Variants in ENKUR observed in about 807,000 individuals in gnomAD.
ENKUR encodes the protein enkurin, TRPC channel interacting protein.
Under a neutral mutation model 27.6 loss-of-function variants are expected in ENKUR, and 19 were observed. The observed-to-expected ratio is 0.69, with a 90% CI of 0.48 to 1.01. The LOEUF (loss-of-function observed/expected upper bound fraction) is 1.01, where lower values mean the gene tolerates loss of function less well. ENKUR is among the 50% of genes least tolerant of loss of function. The pLI, the probability that ENKUR is intolerant of heterozygous loss-of-function variation, is 0.00. For missense variants in ENKUR, 312 were observed against 310.5 expected (o/e 1.00, Z -0.04); for synonymous variants, 117 against 96.9 (o/e 1.21, Z -1.22).
At chr10:24,995,361 A>G (rs1460175110) in intron 3 of ENKUR, among the ~76,000 whole-genome samples, 1 of 152,206 alleles carries the variant, frequency 6.6e-6, no homozygotes, top group Non-Finnish European at 1.5e-5. Flanking sequence ...AACCAAAAAT[A>G]TCTTTCAGAG....
chr10:25,036,829 T>C (rs925469603), intron 2 of ENKUR, among the ~76,000 whole-genome samples: 11 of 152,346 alleles, frequency 7.2e-5, no homozygotes, highest in Middle Eastern at 3.4e-3. Flanking sequence ...GTTTACATTT[T>C]CTTGAGGATT....
chr10:25,023,462 G>C (rs1470095725), intron 2 of ENKUR: 1 of 1,613,974 alleles, frequency 6.2e-7, no homozygotes, highest in Non-Finnish European at 8.5e-7. Context: ...CAGAAACTAG[G>C]TTGTTGTGTC....
intron 2 of ENKUR, among the ~76,000 whole-genome samples, chr10:25,057,726 G>A (rs1397461055): frequency 6.6e-6 from 1 of 152,034 alleles, no homozygotes; most frequent in Non-Finnish European, 1.5e-5. Flanking sequence ...AGTGTTGGTA[G>A]CTGAATTTTA....
intron 2 of ENKUR, among the ~76,000 whole-genome samples, chr10:25,054,558 T>G (rs1350735134): frequency 6.6e-6 from 1 of 151,368 alleles, no homozygotes; most frequent in Admixed American, 6.6e-5. Flanking sequence ...CTTTCTTTCT[T>G]TCTTTCTTCC....
At chr10:25,021,215 T>C (rs991456826) in intron 2 of ENKUR, among the ~76,000 whole-genome samples, 1 of 152,232 alleles carries the variant, frequency 6.6e-6, no homozygotes, top group Non-Finnish European at 1.5e-5. Flanking sequence ...GTAAATATTT[T>C]GTGCTAACCA....
intron 2 of ENKUR, among the ~76,000 whole-genome samples, chr10:25,055,365 C>T (rs2130493751): frequency 6.6e-6 from 1 of 152,030 alleles, no homozygotes; most frequent in Middle Eastern, 3.4e-3. Context: ...TCAGCCTTCA[C>T]TGGTATTATG....
chr10:25,048,069 T>C (rs1385651982), intron 2 of ENKUR, among the ~76,000 whole-genome samples: 1 of 152,164 alleles, frequency 6.6e-6, no homozygotes, highest in Non-Finnish European at 1.5e-5. Context: ...AAGTGGATCA[T>C]ACTGTTATCA....
rs142883820 is a variant in ENKUR at position 25,061,105 on chromosome 10, G to A, written c.37+7C>T. On this transcript the variant is annotated splice_region_variant and intron_variant, in intron 2 of 5. Transcript: ENST00000615958. ...AAAACCTGTGAACACAAGAATGTCA[G>A]TATTACCTGGGGAGCCACCTCCAGT... The A allele has an allele frequency of 3.0e-4, 459 of 1,535,958 alleles. 1 individual carries two copies. The African/African-American group carries it at 5.6e-3, about 19-fold the overall frequency.
Position 24,990,609 on chromosome 10 carries a change from C to A in ENKUR, c.448G>T (p.Asp150Tyr), listed in dbSNP as rs948837294. The change falls in exon 4 of 6, where the codon GAT (aspartate) becomes TAT (tyrosine). Residue 150 changes from aspartate to tyrosine, a missense_variant and splice_region_variant. Transcript: ENST00000331161. The stretch of plus-strand genomic sequence containing the variant: ...ATGTATTCAGGTGTGACACCATAAT[C>A]CTAAAAAGATTTTGCAGAAAAAAGT... ...GLVPKYINKKDYGVTPEYICK... is the reference protein window; with the variant it reads ...GLVPKYINKKYYGVTPEYICK... The A allele has an allele frequency of 1.9e-6, 3 of 1,591,972 alleles. No homozygotes were observed. The highest frequency in any genetic ancestry group is 2.6e-6 in the Non-Finnish European group (3 of 1,174,186).
At chr10:25,035,277 G>A (rs1159649184) in intron 2 of ENKUR, among the ~76,000 whole-genome samples, 6 of 152,296 alleles carry the variant, frequency 3.9e-5, no homozygotes, top group South Asian at 2.1e-4. Context: ...TTTATCAAGC[G>A]GGCACAGTGG....
intron 1 of ENKUR, among the ~76,000 whole-genome samples, chr10:25,006,796 C>G (rs1404345542): frequency 6.6e-6 from 1 of 152,110 alleles, no homozygotes; most frequent in Non-Finnish European, 1.5e-5. Context: ...CTGTGCAAAC[C>G]AATTAAACTT....
In ENKUR at chr10:25,025,114, A is replaced by G. The variant is rs772276011; in HGVS notation, c.38-29245T>C. 116 of 1,614,074 alleles carry G rather than the reference A, an allele frequency of 7.2e-5. No homozygotes were observed. The highest frequency in any genetic ancestry group is 9.1e-5 in the Non-Finnish European group (107 of 1,180,036). ...AGAGTGCCTAGCAGCTATTAACTCC[A>G]CCTATAATACTTCAGGGTATATTTT... On this transcript the variant is annotated intron_variant, in intron 2 of 5. Coordinates refer to the ENKUR transcript ENST00000615958.
intron 2 of ENKUR, among the ~76,000 whole-genome samples, chr10:25,027,840 T>G (rs532711754): frequency 6.6e-6 from 1 of 152,204 alleles, no homozygotes; most frequent in African/African-American, 2.4e-5. Context: ...AGAGCAAGAC[T>G]CTGTCTCAAA....
intron 2 of ENKUR, among the ~76,000 whole-genome samples, chr10:25,060,441 T>C (rs1386621798): frequency 6.6e-6 from 1 of 152,138 alleles, no homozygotes; most frequent in Non-Finnish European, 1.5e-5. Context: ...ACAGGTAAAG[T>C]CTATTGAAGA....
At chr10:24,988,686 A>ATATATATATATGTG (rs1849851938) in intron 4 of ENKUR, among the ~76,000 whole-genome samples, 1 of 16,954 alleles carries the variant, frequency 5.9e-5, no homozygotes, top group African/African-American at 2.7e-4. Flanking sequence ...ATATATATAT[A>ATATATATATATGTG]TATATATATA....
intron 3 of ENKUR, among the ~76,000 whole-genome samples, chr10:24,994,640 T>G (rs1850003712): frequency 6.6e-6 from 1 of 152,118 alleles, no homozygotes; most frequent in South Asian, 2.1e-4. Context: ...GCATTCATAT[T>G]TTGTGTGTTT....
upstream of ENKUR, among the ~76,000 whole-genome samples, chr10:25,021,154 A>AT (rs1314622494): frequency 2.0e-5 from 3 of 152,184 alleles, no homozygotes; most frequent in African/African-American, 7.2e-5. Context: ...TTTGGGTTCA[A>AT]TTTATATATT....
chr10:25,058,270 T>C (rs1445292333), intron 2 of ENKUR, among the ~76,000 whole-genome samples: 2 of 152,128 alleles, frequency 1.3e-5, no homozygotes, highest in African/African-American at 4.8e-5. Context: ...TACAGTGGTA[T>C]GATCACAGCT....
intron 2 of ENKUR, among the ~76,000 whole-genome samples, chr10:25,032,007 A>G (rs1046978813): frequency 1.3e-5 from 2 of 151,966 alleles, no homozygotes; most frequent in Non-Finnish European, 2.9e-5. Context: ...AATTCATTTG[A>G]AATTTGTTTC....
Sources: gnomAD v4.1 joint callset for allele counts (sites outside exome capture counted in the v4.1 genomes callset) on GRCh38, gnomAD v4.1.1 for gene constraint, MANE v1.5 for transcripts, NCBI Gene and HGNC (gene_info 2026-07-23, HGNC 2026-07-21) for gene names.